Variants in ADGRV1 observed in about 807,000 individuals in gnomAD.
The protein encoded by ADGRV1 is G-protein coupled receptor 98.
A neutral mutation model predicts 596.2 loss-of-function variants in ADGRV1; 359 were observed. The ratio of observed to expected loss-of-function variants is 0.60; its 90% confidence interval spans 0.55 to 0.66. The LOEUF is 0.66. Among genes scored for constraint, ADGRV1 ranks in the 30% least tolerant of loss-of-function variants. The pLI, the probability that ADGRV1 is intolerant of heterozygous loss-of-function variation, is 0.00. For missense variants in ADGRV1, 7,274 were observed against 7,575.6 expected, an observed-to-expected ratio of 0.96 and a Z score of 1.48; for synonymous variants, 2,681 against 2,679.2, an observed-to-expected ratio of 1.00 and a Z score of -0.02.
intron 58 of ADGRV1, 64 bp downstream of exon 58, chr5:90,759,652 A>T: frequency 1.4e-6 from 2 of 1,431,770 alleles, no homozygotes; most frequent in Non-Finnish European, 9.7e-7. Context: ...TTTTGAGTAG[A>T]AAGTGTCTCA....
chr5:90,688,298 G>C (rs1023935159), intron 29 of ADGRV1, among the ~76,000 whole-genome samples: 2 of 152,170 alleles, frequency 1.3e-5, no homozygotes, highest in African/African-American at 2.4e-5. Context: ...ATGGGGAAAG[G>C]ATTCCCTATT....
At position 90,619,228 on chromosome 5, in the gene ADGRV1, A is replaced by C. The variant is rs183238323; in HGVS notation, c.453+47A>C. 1.2e-3 allele frequency: 998 copies of C among 865,686 alleles called. 10 individuals carry two copies. The highest frequency in any genetic ancestry group is 4.3e-4 in the Non-Finnish European group (254 of 586,548). 53.6% of individuals were successfully genotyped at this position (865,686 alleles called of 1,614,324 possible). On this transcript the variant is annotated intron_variant, in intron 4 of 89. Coordinates refer to ENST00000405460, the MANE Select transcript of ADGRV1 (RefSeq NM_032119.4). ...AATTGTGGTTGCTAGATAATAGTTT[A>C]TTAAATTTTAAAAATTAGTTTTCAT... is the stretch of plus-strand genomic sequence containing the variant.
At chr5:90,846,907 C>T (rs955007736) in intron 78 of ADGRV1, among the ~76,000 whole-genome samples, 6 of 152,090 alleles carry the variant, frequency 3.9e-5, no homozygotes, top group Admixed American at 1.3e-4. Context: ...CTGACTGGTG[C>T]ATTTATAATC....
In ADGRV1 at chr5:90,815,631, A is replaced by G. The variant is rs1762820899; in HGVS notation, c.16091A>G (p.His5364Arg). Residue 5364 changes from histidine to arginine, a missense_variant, in exon 75 of 90, where the codon CAC becomes CGC. His to Arg is a conservative substitution (Grantham distance 29). Transcript: ENST00000405460. Reference sequence around the variant, plus strand: ...TTCTTTTTTTCAGGGAGTGACCTTCACAATGGCATCATAGGATTCAGTGAG... The same window carrying G: ...TTCTTTTTTTCAGGGAGTGACCTTCGCAATGGCATCATAGGATTCAGTGAG... The part of the protein sequence containing the change: ...AMVIITGSDL[H>R]NGIIGFSEES... 8 of 1,562,282 alleles carry G rather than the reference A, an allele frequency of 5.1e-6. No homozygotes were observed. The African/African-American group carries it at 5.4e-5, about 11-fold the overall frequency.
intron 86 of ADGRV1, among the ~76,000 whole-genome samples, chr5:91,087,463 ATTT>A (rs556983309): frequency 7.0e-6 from 1 of 143,472 alleles, no homozygotes; most frequent in Admixed American, 7.0e-5. Context: ...TGCCCGGCTA[ATTT>A]TTTTTTTTTT....
chr5:90,756,533 G>A lies in ADGRV1; in HGVS notation c.11660G>A (p.Gly3887Glu), dbSNP rs561320748. The A allele has an allele frequency of 1.4e-5, 23 of 1,613,272 alleles. No homozygotes were observed. The South Asian group carries it at 2.1e-4, about 15-fold the overall frequency. ...VNLVNSDFST[G>E]QPSVRRPGME... ...CTGGTGAACTCTGACTTCTCTACAGGACAGCCAAGTGTGCGGAGGCCCGGA... is the reference window on the plus strand; with the variant it reads ...CTGGTGAACTCTGACTTCTCTACAGAACAGCCAAGTGTGCGGAGGCCCGGA... The change falls in exon 56 of 90, where the codon GGA (glycine) becomes GAA (glutamate). Residue 3887 changes from glycine (G) to glutamate (E), a missense_variant. Coordinates refer to ENST00000405460, the MANE Select transcript of ADGRV1 (RefSeq NM_032119.4).
chr5:90,677,666 G>T (rs548934885), intron 25 of ADGRV1, among the ~76,000 whole-genome samples: 99 of 152,252 alleles, frequency 6.5e-4, no homozygotes, highest in African/African-American at 2.3e-3. Flanking sequence ...AGTGACACTT[G>T]TTATATTATT....
intron 77 of ADGRV1, among the ~76,000 whole-genome samples, chr5:90,838,553 C>T (rs1409698036): frequency 6.6e-6 from 1 of 152,160 alleles, no homozygotes; most frequent in Non-Finnish European, 1.5e-5. Flanking sequence ...TACGTGATGT[C>T]GTCACTTGAA....
Position 91,146,291 on chromosome 5 carries a change from T to G in ADGRV1, c.18433-3739T>G, listed in dbSNP as rs77705470. On this transcript the variant is annotated intron_variant, in intron 87 of 89. Coordinates refer to ENST00000405460, the MANE Select transcript of ADGRV1 (RefSeq NM_032119.4). ...TAAAGGTCACAATTACCAAGCTTTA[T>G]AGACACACCATTAGAAGTATACAGT... Among the ~76,000 whole-genome samples the G allele has an allele frequency of 4.6e-3, 702 of 152,338 alleles. 45 individuals carry two copies. In the East Asian group the frequency reaches 0.12, roughly 26 times the overall value.
chr5:91,021,453 G>A (rs555186647), intron 85 of ADGRV1, among the ~76,000 whole-genome samples: 2 of 152,078 alleles, frequency 1.3e-5, no homozygotes, highest in Non-Finnish European at 2.9e-5. Flanking sequence ...ATGGTTTAAT[G>A]AGCTCAGTTT....
intron 82 of ADGRV1, among the ~76,000 whole-genome samples, chr5:90,857,230 A>G (rs1287967001): frequency 6.6e-6 from 1 of 152,130 alleles, no homozygotes; most frequent in African/African-American, 2.4e-5. Context: ...ATGCTAATGT[A>G]TTTAAAGAGC....
chr5:90,831,085 A>G (rs957362314), intron 77 of ADGRV1, among the ~76,000 whole-genome samples: 1 of 152,082 alleles, frequency 6.6e-6, no homozygotes, highest in Non-Finnish European at 1.5e-5. Context: ...CCTAGTTCTC[A>G]GGCCATAAGG....
At chr5:91,004,525 T>C (rs184209924) in intron 85 of ADGRV1, among the ~76,000 whole-genome samples, 1 of 152,254 alleles carries the variant, frequency 6.6e-6, no homozygotes, top group Non-Finnish European at 1.5e-5. Context: ...AGATTATGTA[T>C]ACTATTAGAC....
intron 85 of ADGRV1, among the ~76,000 whole-genome samples, chr5:91,012,655 T>C (rs1182027284): frequency 6.6e-6 from 1 of 152,020 alleles, no homozygotes; most frequent in Admixed American, 6.6e-5. Flanking sequence ...TTTCTCCCTC[T>C]TGAGACAGGG....
At chr5:91,004,156 A>G (rs781405088) in intron 85 of ADGRV1, among the ~76,000 whole-genome samples, 1 of 152,148 alleles carries the variant, frequency 6.6e-6, no homozygotes, top group Non-Finnish European at 1.5e-5. Flanking sequence ...GCTACCTGTA[A>G]AAGACTTCCA....
chr5:90,863,689 T>A, intron 82 of ADGRV1, 68 bp from the exon 83 acceptor site: 2 of 1,187,950 alleles, frequency 1.7e-6, no homozygotes, highest in Non-Finnish European at 2.5e-6. Context: ...CCCCAAAGAT[T>A]CTTGCTATGA....
At chr5:90,698,729 A>C (rs1462548819) in intron 34 of ADGRV1, among the ~76,000 whole-genome samples, 2 of 151,898 alleles carry the variant, frequency 1.3e-5, no homozygotes, top group African/African-American at 4.8e-5. Flanking sequence ...AAAAAAAAGC[A>C]AATTATCGGA....
intron 52 of ADGRV1, among the ~76,000 whole-genome samples, chr5:90,748,921 G>C (rs925125742): frequency 6.6e-6 from 1 of 151,266 alleles, no homozygotes; most frequent in African/African-American, 2.4e-5. Flanking sequence ...CACACATTAG[G>C]GGCTTAGGAT....
chr5:91,063,061 C>T (rs1398177873), intron 85 of ADGRV1, among the ~76,000 whole-genome samples: 2 of 149,140 alleles, frequency 1.3e-5, no homozygotes, highest in East Asian at 2.0e-4. Context: ...TGGGCTCAAG[C>T]GATCCTCCCA....
Sources: gnomAD v4.1 joint callset for allele counts (sites outside exome capture counted in the v4.1 genomes callset) on GRCh38, gnomAD v4.1.1 for gene constraint, MANE v1.5 for transcripts, NCBI Gene and HGNC (gene_info 2026-07-23, HGNC 2026-07-21) for gene names.